Variants in ENAH observed in about 807,000 individuals in gnomAD.
ENAH encodes the protein protein enabled homolog.
Under a neutral mutation model 78.7 loss-of-function variants are expected in ENAH, and 23 were observed. That is an observed-to-expected ratio of 0.29 (90% CI 0.21 to 0.41). ENAH has a LOEUF of 0.41. Ranked by LOEUF, ENAH falls within the 10% of genes least tolerant of loss-of-function variation. The probability of loss-of-function intolerance (pLI) is 1.00; values close to 1 mark genes in which losing one functional copy is unlikely to be tolerated. For synonymous variants in ENAH, 226 were observed against 241.0 expected (o/e 0.94, Z 0.58); for missense variants, 544 against 691.0 (o/e 0.79, Z 2.39).
intron 2 of ENAH, among the ~76,000 whole-genome samples, chr1:225,561,268 T>C (rs1307050634): frequency 6.6e-6 from 1 of 151,454 alleles, no homozygotes; most frequent in Non-Finnish European, 1.5e-5. Context: ...GAATTAATTC[T>C]TTCACTCATC....
At chr1:225,653,602 G>A (rs915784861), upstream of ENAH, among the ~76,000 whole-genome samples, 9 of 152,048 alleles carry the variant, frequency 5.9e-5, no homozygotes, top group Admixed American at 5.9e-4. This position sits in a 1 kb window ranked among gnomAD's most constrained non-coding sequence, Gnocchi z 4.3. Context: ...AGACCCGTAG[G>A]CACCGGCGTG....
intron 1 of ENAH, among the ~76,000 whole-genome samples, chr1:225,606,842 CAAAAAAAAA>C (rs59168194): frequency 2.0e-4 from 10 of 49,042 alleles, no homozygotes; most frequent in South Asian, 8.1e-4. Flanking sequence ...GACTCTGTCT[CAAAAAAAAA>C]AAAAAAAAAA....
chr1:225,591,475 A>C (rs1256081035), intron 1 of ENAH, among the ~76,000 whole-genome samples: 1 of 150,258 alleles, frequency 6.7e-6, no homozygotes, highest in Non-Finnish European at 1.5e-5. Context: ...TTTAAAAAAA[A>C]AAAAAAAACA....
At chr1:225,520,384 TATC>T (rs1481339464) in intron 4 of ENAH, among the ~76,000 whole-genome samples, 1 of 151,858 alleles carries the variant, frequency 6.6e-6, no homozygotes, top group Non-Finnish European at 1.5e-5. Context: ...CAGAGGCAAC[TATC>T]ATCAACATAT....
At chr1:225,653,775 C>T (rs936680084), upstream of ENAH, among the ~76,000 whole-genome samples, 1 of 152,210 alleles carries the variant, frequency 6.6e-6, no homozygotes, top group Non-Finnish European at 1.5e-5. The surrounding 1 kb of genome is among the most constrained non-coding windows in gnomAD (Gnocchi z 4.3). Context: ...AACTGCCCGC[C>T]CTCGCCGCGG....
At chr1:225,628,385 C>A (rs1372280942) in intron 1 of ENAH, among the ~76,000 whole-genome samples, 1 of 152,114 alleles carries the variant, frequency 6.6e-6, no homozygotes, top group Non-Finnish European at 1.5e-5. Flanking sequence ...GGGAAAAAAA[C>A]CTTTGGGTTC....
At chr1:225,529,502 CAT>C (rs771872557) in intron 4 of ENAH, among the ~76,000 whole-genome samples, 7 of 152,140 alleles carry the variant, frequency 4.6e-5, no homozygotes, top group Non-Finnish European at 1.0e-4. Context: ...CCCTTCACAA[CAT>C]ATAATCCTCC....
chr1:225,525,732 G>A (rs1382106271), intron 4 of ENAH, among the ~76,000 whole-genome samples: 1 of 152,212 alleles, frequency 6.6e-6, no homozygotes, highest in Non-Finnish European at 1.5e-5. Flanking sequence ...TTCTTAGGAA[G>A]TTGTGCAGAA....
At chr1:225,545,338 G>C (rs1056084722) in intron 3 of ENAH, among the ~76,000 whole-genome samples, 26 of 152,214 alleles carry the variant, frequency 1.7e-4, no homozygotes, top group African/African-American at 5.5e-4. Context: ...CTAAGTTATG[G>C]CAGTAGTTTT....
chr1:225,595,799 A>G lies in ENAH; in HGVS notation c.6-28385T>C, dbSNP rs773622990. On this transcript the variant is annotated intron_variant, in intron 1 of 13. Transcript: ENST00000366843. ...TAGGAATATGACTGAAAAAGAATAC[A>G]GTTAATTCATGCTAAAGGAGTAACT... Among the ~76,000 whole-genome samples the G allele has an allele frequency of 3.3e-5, 5 of 152,230 alleles. No individual in the cohort carries two copies. The East Asian group carries it at 7.7e-4, about 23-fold the overall frequency.
At chr1:225,555,232 C>T (rs1311178878) in intron 2 of ENAH, 149 bp from the exon 3 acceptor site, 1 of 587,386 alleles carries the variant, frequency 1.7e-6, no homozygotes, top group South Asian at 3.6e-5. Flanking sequence ...AAAATCTACA[C>T]AAATATCAGT....
chr1:225,617,967 A>T (rs1354213145), intron 1 of ENAH, among the ~76,000 whole-genome samples: 1 of 152,234 alleles, frequency 6.6e-6, no homozygotes, highest in African/African-American at 2.4e-5. Flanking sequence ...GTAGCTATCA[A>T]TTATTCTTTC....
chr1:225,543,880 A>G (rs561924049), intron 3 of ENAH, among the ~76,000 whole-genome samples: 1 of 152,366 alleles, frequency 6.6e-6, no homozygotes, highest in South Asian at 2.1e-4. Context: ...AAGACTCCTT[A>G]GAATTTTTCT....
chr1:225,570,097 T>C (rs749744753), intron 1 of ENAH, among the ~76,000 whole-genome samples: 1 of 151,220 alleles, frequency 6.6e-6, no homozygotes, highest in Non-Finnish European at 1.5e-5. Context: ...CCCCAGCTAC[T>C]TGGGAAGCTG....
chr1:225,546,083 C>T (rs1452840490), intron 3 of ENAH, among the ~76,000 whole-genome samples: 2 of 151,768 alleles, frequency 1.3e-5, no homozygotes, highest in Non-Finnish European at 2.9e-5. Flanking sequence ...GCCATCATGC[C>T]CACCTAATTT....
Position 225,652,828 on chromosome 1 carries a change from G to A in ENAH, c.-138C>T. ...GTCCGGCTCCTCCTTCGGCGGCCAGGGGGCTACACCATCTCCTCGCACAAA... is the reference window on the plus strand; with the variant it reads ...GTCCGGCTCCTCCTTCGGCGGCCAGAGGGCTACACCATCTCCTCGCACAAA... On this transcript the variant is annotated 5_prime_UTR_variant, in exon 1 of 14. Coordinates refer to ENST00000366843, the MANE Select transcript of ENAH (RefSeq NM_018212.6). 2 of 611,772 alleles carry A rather than the reference G, an allele frequency of 3.3e-6. No homozygotes were observed. Among genetic ancestry groups the A allele is most frequent in the South Asian group, 6.9e-5 (1 of 14,402 alleles). The allele number at this position is 611,772 out of a possible 1,614,324, so 37.9% of individuals were successfully genotyped here. A position where few individuals can be genotyped will look rare whatever the true frequency, so the allele number is the denominator to read the frequency against.
intron 1 of ENAH, among the ~76,000 whole-genome samples, chr1:225,620,515 A>G (rs975868605): frequency 1.3e-5 from 2 of 150,720 alleles, no homozygotes; most frequent in Non-Finnish European, 3.0e-5. Flanking sequence ...GGGTAATAAG[A>G]GCAAAACTGT....
At chr1:225,591,479 A>C (rs1187889596) in intron 1 of ENAH, among the ~76,000 whole-genome samples, 1 of 149,680 alleles carries the variant, frequency 6.7e-6, no homozygotes, top group African/African-American at 2.5e-5. Flanking sequence ...AAAAAAAAAA[A>C]AAAACAGTCG....
intron 1 of ENAH, among the ~76,000 whole-genome samples, chr1:225,585,822 T>C (rs946559125): frequency 6.6e-6 from 1 of 151,552 alleles, no homozygotes; most frequent in African/African-American, 2.4e-5. Flanking sequence ...AAAAAAATCA[T>C]GAGATGCAGC....
Sources: gnomAD v4.1 joint callset for allele counts (sites outside exome capture counted in the v4.1 genomes callset) on GRCh38, gnomAD v4.1.1 for gene constraint, Gnocchi (gnomAD v3.1) non-coding constraint, MANE v1.5 for transcripts, NCBI Gene and HGNC (gene_info 2026-07-23, HGNC 2026-07-21) for gene names.